PHACTR1: variants seen among roughly 807,000 people sequenced by gnomAD.
PHACTR1 encodes phosphatase and actin regulator 1.
PHACTR1 carries 16 observed loss-of-function variants against 69.2 expected under a neutral mutation model. The observed-to-expected ratio is 0.23, with a 90% confidence interval of 0.16 to 0.35. The LOEUF is 0.35. PHACTR1 is among the 10% of genes least tolerant of loss of function. The pLI, the probability that PHACTR1 is intolerant of heterozygous loss-of-function variation, is 1.00. For missense variants in PHACTR1, 510 were observed against 734.7 expected (o/e 0.69, Z 3.54); for synonymous variants, 312 against 284.5 (o/e 1.10, Z -0.97).
chr6:12,841,785 A>G (rs1341109715), intron 4 of PHACTR1, among the ~76,000 whole-genome samples: 1 of 152,202 alleles, frequency 6.6e-6, no homozygotes, highest in Non-Finnish European at 1.5e-5. Flanking sequence ...TATACCAAAA[A>G]TCATTCTGAT....
intron 4 of PHACTR1, among the ~76,000 whole-genome samples, chr6:12,998,694 T>TA (rs1158709909): frequency 2.4e-4 from 36 of 151,022 alleles, no homozygotes; most frequent in African/African-American, 8.0e-4. Flanking sequence ...AGTTTAAATT[T>TA]AAAAAAATCT....
intron 4 of PHACTR1, among the ~76,000 whole-genome samples, chr6:12,812,739 C>T (rs1775164843): frequency 6.6e-6 from 1 of 152,130 alleles, no homozygotes; most frequent in Non-Finnish European, 1.5e-5. Context: ...CCAAACAGAC[C>T]CTTGCTCGTG....
At chr6:12,904,397 G>A (rs538160969) in intron 4 of PHACTR1, among the ~76,000 whole-genome samples, 12 of 152,102 alleles carry the variant, frequency 7.9e-5, no homozygotes, top group Admixed American at 2.6e-4. Context: ...AGCCAGGCGT[G>A]GTGGCAGGTG....
At chr6:12,731,115 A>G (rs1031141080) in intron 3 of PHACTR1, among the ~76,000 whole-genome samples, 1 of 151,814 alleles carries the variant, frequency 6.6e-6, no homozygotes, top group Non-Finnish European at 1.5e-5. Flanking sequence ...TCCTGGGTTC[A>G]AGCAATTCTC....
intron 4 of PHACTR1, among the ~76,000 whole-genome samples, chr6:12,858,057 A>G (rs761963817): frequency 6.6e-6 from 1 of 152,222 alleles, no homozygotes; most frequent in Non-Finnish European, 1.5e-5. Context: ...ACGGTAGAGC[A>G]GAGAAACAGA....
At chr6:13,170,167 C>A (rs1041317785) in intron 6 of PHACTR1, among the ~76,000 whole-genome samples, 8 of 152,140 alleles carry the variant, frequency 5.3e-5, no homozygotes, top group Admixed American at 2.0e-4. Context: ...ATCTTGATGA[C>A]AGCAAGAAAA....
At chr6:13,187,091 A>G (rs1486648037) in intron 7 of PHACTR1, among the ~76,000 whole-genome samples, 3 of 152,114 alleles carry the variant, frequency 2.0e-5, no homozygotes, top group African/African-American at 7.2e-5. Flanking sequence ...GGAGCTCAGG[A>G]GGTAATGGTG....
rs191769161 is a variant in PHACTR1, at chr6:12,743,210, C to T, written c.104-6434C>T. On this transcript the variant is annotated intron_variant, in intron 3 of 14. Transcript: ENST00000332995. ...GCAGGAAAAAAAAAAAAAAAACAAACGTAAAAACAACTGATGACACTAGAA... is the reference window on the plus strand; with the variant it reads ...GCAGGAAAAAAAAAAAAAAAACAAATGTAAAAACAACTGATGACACTAGAA... 1.6e-3 allele frequency among the ~76,000 whole-genome samples: 228 copies of T among 141,930 alleles called. 1 individual carries two copies. The highest frequency in any genetic ancestry group is 0.012 in the Admixed American group (174 of 14,308). The allele number at this position is 141,930 out of a possible 152,430, so 93.1% of individuals were successfully genotyped here.
intron 4 of PHACTR1, among the ~76,000 whole-genome samples, chr6:12,869,219 G>A (rs1262225424): frequency 6.6e-6 from 1 of 152,090 alleles, no homozygotes; most frequent in East Asian, 1.9e-4. Flanking sequence ...TACAGAATGA[G>A]GGACAAATTT....
intron 5 of PHACTR1, among the ~76,000 whole-genome samples, chr6:13,077,651 A>G (rs374560956): frequency 6.6e-6 from 1 of 152,200 alleles, no homozygotes; most frequent in African/African-American, 2.4e-5. Context: ...TGACATGATC[A>G]CAGCTGGCCT....
At chr6:13,060,963 G>T (rs141104701) in intron 5 of PHACTR1, among the ~76,000 whole-genome samples, 1 of 152,344 alleles carries the variant, frequency 6.6e-6, no homozygotes, top group East Asian at 1.9e-4. Context: ...TTCTCCTGCA[G>T]TTCCAGAAAT....
chr6:13,275,648 G>A lies in PHACTR1; in HGVS notation c.1448-2620G>A, dbSNP rs956923245. ...ACCTATCTGTGTAACCACTGAGCCAGGTAGGGTGTGACTGGCCACTTAACA... is the reference window on the plus strand; with the variant it reads ...ACCTATCTGTGTAACCACTGAGCCAAGTAGGGTGTGACTGGCCACTTAACA... On this transcript the variant is annotated intron_variant, in intron 11 of 14. Transcript: ENST00000332995. This position sits in a 1 kb window ranked among gnomAD's most constrained non-coding sequence, Gnocchi z 4.0. The A allele has an allele frequency of 1.3e-5, 2 of 151,970 alleles. No individual in the cohort carries two copies. Among genetic ancestry groups the A allele is most frequent in the African/African-American group, 4.9e-5 (2 of 41,216 alleles). 9.4% of individuals were successfully genotyped at this position (151,970 alleles called of 1,614,324 possible).
chr6:13,040,121 C>T (rs1803918712), intron 4 of PHACTR1, among the ~76,000 whole-genome samples: 1 of 152,168 alleles, frequency 6.6e-6, no homozygotes, highest in South Asian at 2.1e-4. Context: ...AATCCCTACC[C>T]TCATAATTTG....
In PHACTR1 at chr6:13,029,321, C is replaced by T. The variant is rs1802131111; in HGVS notation, c.251-24044C>T. 4.6e-5 allele frequency among the ~76,000 whole-genome samples: 7 copies of T among 152,286 alleles called. No homozygotes were observed. In the South Asian group the frequency reaches 1.5e-3, roughly 32 times the overall value. ...CTGCATAAAGTAACGGCAGAGTCTT[C>T]AGCAGAGGAGTGGTTTGGTGAAAAG... On this transcript the variant is annotated intron_variant, in intron 4 of 14. Transcript: ENST00000332995.
intron 5 of PHACTR1, among the ~76,000 whole-genome samples, chr6:13,135,729 G>T: frequency 6.6e-6 from 1 of 152,118 alleles, no homozygotes; most frequent in Non-Finnish European, 1.5e-5. Context: ...TAATTAAAAC[G>T]TATTTTAGGC....
chr6:13,258,758 AAGGTACCTGGT>A (rs1775529488), intron 10 of PHACTR1, among the ~76,000 whole-genome samples: 1 of 152,142 alleles, frequency 6.6e-6, no homozygotes, highest in Non-Finnish European at 1.5e-5. Flanking sequence ...TTTTTTGCCA[AAGGTACCTGGT>A]AGAGCTCTTT....
chr6:13,192,661 A>G (rs932520407), intron 7 of PHACTR1, among the ~76,000 whole-genome samples: 2 of 152,234 alleles, frequency 1.3e-5, no homozygotes, highest in Non-Finnish European at 2.9e-5. Context: ...CTGGATGTAT[A>G]AATAAACTGG....
intron 5 of PHACTR1, among the ~76,000 whole-genome samples, chr6:13,116,663 C>G (rs982235197): frequency 6.6e-6 from 1 of 151,970 alleles, no homozygotes; most frequent in African/African-American, 2.4e-5. Flanking sequence ...CATCCACTTG[C>G]TATATACTTT....
At chr6:12,823,319 G>T (rs945790873) in intron 4 of PHACTR1, among the ~76,000 whole-genome samples, 2 of 152,178 alleles carry the variant, frequency 1.3e-5, no homozygotes, top group Non-Finnish European at 2.9e-5. Flanking sequence ...TATTTTAAAT[G>T]AGCTTTATTA....
Sources: allele counts gnomAD v4.1 joint callset (sites outside exome capture counted in the v4.1 genomes callset), GRCh38; gene constraint gnomAD v4.1.1; non-coding constraint Gnocchi (gnomAD v3.1); transcripts MANE v1.5; gene names NCBI Gene and HGNC (gene_info 2026-07-23, HGNC 2026-07-21).